The following VPS13C variants were observed in gnomAD, a reference collection of about 807,000 sequenced individuals.
The protein encoded by VPS13C is vacuolar protein sorting 13 homolog C.
Under a neutral mutation model 456.8 loss-of-function variants are expected in VPS13C, and 358 were observed. The observed-to-expected ratio is 0.78, with a 90% confidence interval of 0.72 to 0.86. The LOEUF (loss-of-function observed/expected upper bound fraction) is 0.86, where lower values mean the gene tolerates loss of function less well. VPS13C is among the 40% of genes least tolerant of loss of function. The pLI is 0.00. For synonymous variants in VPS13C, 1,578 were observed against 1,486.7 expected, an observed-to-expected ratio of 1.06 and a Z score of -1.41; for missense variants, 4,818 against 4,385.4, an observed-to-expected ratio of 1.10 and a Z score of -2.79.
intron 55 of VPS13C, 77 bp downstream of exon 55, chr15:61,921,870 A>T: frequency 6.8e-7 from 1 of 1,465,508 alleles, no homozygotes; most frequent in Non-Finnish European, 9.5e-7. Flanking sequence ...ACCACATCTT[A>T]AGAATCACTG....
chr15:62,033,559 A>C lies in VPS13C; in HGVS notation c.284-17T>G. The C allele has an allele frequency of 6.7e-7, 1 of 1,499,136 alleles. No homozygotes were observed. Among genetic ancestry groups the C allele is most frequent in the Non-Finnish European group, 9.1e-7 (1 of 1,101,490 alleles). The allele number at this position is 1,499,136 out of a possible 1,614,324, so 92.9% of individuals were successfully genotyped here. A position where few individuals can be genotyped will look rare whatever the true frequency, so the allele number is the denominator to read the frequency against. Reference sequence around the variant, plus strand: ...ACTTAATACCTAAAAATATACAGTCAATTCACACAAAAATAAATGGAATTA... The same window carrying C: ...ACTTAATACCTAAAAATATACAGTCCATTCACACAAAAATAAATGGAATTA... On this transcript the variant is annotated splice_polypyrimidine_tract_variant and intron_variant, in intron 4 of 84. Transcript: ENST00000644861.
Position 61,885,921 on chromosome 15 carries a change from T to C in VPS13C, c.9342-1652A>G, listed in dbSNP as rs934559297. 2.0e-5 allele frequency among the ~76,000 whole-genome samples: 3 copies of C among 152,152 alleles called. No individual in the cohort carries two copies. In the East Asian group the frequency reaches 5.8e-4, roughly 29 times the overall value. The stretch of plus-strand genomic sequence containing the variant: ...TTCTCAAATATATAACTGAGCAGTA[T>C]TGGTAACATCTGTTGACTCATCAAG... On this transcript the variant is annotated intron_variant, in intron 67 of 84. Coordinates refer to ENST00000644861, the MANE Select transcript of VPS13C (RefSeq NM_020821.3).
chr15:61,953,360 G>A (rs1397379625), intron 38 of VPS13C, among the ~76,000 whole-genome samples: 1 of 150,402 alleles, frequency 6.6e-6, no homozygotes, highest in East Asian at 2.0e-4. Flanking sequence ...TTTAGCATTA[G>A]GTATATCTCC....
Position 61,922,524 on chromosome 15 carries a change from A to G in VPS13C, c.6848T>C (p.Ile2283Thr). 6.2e-7 allele frequency: 1 copy of G among 1,614,124 alleles called. No individual in the cohort carries two copies. The highest frequency in any genetic ancestry group is 8.5e-7 in the Non-Finnish European group (1 of 1,179,966). ...EENCGVVVES[I>T]QVTLECGLGH... The stretch of plus-strand genomic sequence containing the variant: ...AAGGCCACATTCTAAGGTAACTTGA[A>G]TGGATTCTACAACAACACCACAATT... Residue 2283 changes from isoleucine to threonine, a missense_variant, in exon 54 of 85, where the codon ATT (isoleucine) becomes ACT (threonine). Physicochemically the swap from Ile to Thr is moderately conservative, Grantham distance 89. Coordinates refer to ENST00000644861, the MANE Select transcript of VPS13C (RefSeq NM_020821.3).
rs555662585 is a variant in VPS13C at position 61,995,574 on chromosome 15, G to A, written c.1354-3772C>T. Among the ~76,000 whole-genome samples the A allele has an allele frequency of 3.2e-4, 49 of 152,290 alleles. No homozygotes were observed. In the East Asian group the frequency reaches 6.4e-3, roughly 20 times the overall value. On this transcript the variant is annotated intron_variant, in intron 16 of 84. Coordinates refer to ENST00000644861, the MANE Select transcript of VPS13C (RefSeq NM_020821.3). ...TTTCTCTCTTCTTTTGAAGAAGAAAGCTGCCATGTTATGGTTGTCTATGTT... is the reference window on the plus strand; with the variant it reads ...TTTCTCTCTTCTTTTGAAGAAGAAAACTGCCATGTTATGGTTGTCTATGTT...
Position 61,922,029 on chromosome 15 carries a change from T to G in VPS13C, c.6980A>C (p.His2327Pro), listed in dbSNP as rs753288249. 6 of 1,613,356 alleles carry G rather than the reference T, an allele frequency of 3.7e-6. No individual in the cohort carries two copies. The Admixed American group carries it at 6.7e-5, about 18-fold the overall frequency. The stretch of plus-strand genomic sequence containing the variant: ...GACAGCATGGATCTCATTGTAATAG[T>G]GCACCTGGAAAGATACACACAAAAT... ...AAVADVTLQV[H>P]YYNEIHAVWE... Residue 2327 changes from histidine (H) to proline (P), a missense_variant, in exon 55 of 85, where the codon CAC (histidine) becomes CCC (proline). Physicochemically the swap from His to Pro is moderately conservative, Grantham distance 77. This residue lies in a region of VPS13C where 4,552 missense variants were observed against 4,130.6 expected (regional missense o/e 1.10). Coordinates refer to ENST00000644861, the MANE Select transcript of VPS13C (RefSeq NM_020821.3).
At chr15:61,978,077 G>A (rs1006124100) in intron 23 of VPS13C, among the ~76,000 whole-genome samples, 1 of 151,666 alleles carries the variant, frequency 6.6e-6, no homozygotes, top group Non-Finnish European at 1.5e-5. Flanking sequence ...AAATATTTAC[G>A]TAAGCATAGA....
At chr15:62,059,910 C>G (rs2140833274) in intron 1 of VPS13C, among the ~76,000 whole-genome samples, 1 of 152,322 alleles carries the variant, frequency 6.6e-6, no homozygotes, top group South Asian at 2.1e-4. Flanking sequence ...TCACTCCACG[C>G]GATACCGAAA....
At position 61,974,634 on chromosome 15, in the gene VPS13C, A is replaced by G. The variant is rs541271944; in HGVS notation, c.2409-217T>C. Among the ~76,000 whole-genome samples the G allele has an allele frequency of 3.9e-5, 6 of 152,256 alleles. No homozygotes were observed. In the East Asian group the frequency reaches 1.2e-3, roughly 29 times the overall value. ...TCAACATATCCCTCTTAAGTAGCCA[A>G]ATCTCTTTAACTTAACTAATTTTTA... On this transcript the variant is annotated intron_variant, in intron 24 of 84. Transcript: ENST00000644861.
At chr15:61,999,983 T>C (rs1203744568) in intron 16 of VPS13C, among the ~76,000 whole-genome samples, 3 of 151,956 alleles carry the variant, frequency 2.0e-5, no homozygotes, top group Non-Finnish European at 4.4e-5. Flanking sequence ...TAGCCAAAAT[T>C]ATCACAGTAG....
chr15:61,979,643 T>C (rs896376598), intron 22 of VPS13C, among the ~76,000 whole-genome samples: 20 of 152,214 alleles, frequency 1.3e-4, no homozygotes, highest in African/African-American at 4.6e-4. Flanking sequence ...CTTAATCTTG[T>C]TCATTCCCTA....
rs1210040376 is a variant in VPS13C, at chr15:61,878,708, T to C, written c.10041A>G (p.Glu3347=). 6.2e-7 allele frequency: 1 copy of C among 1,610,996 alleles called. No individual in the cohort carries two copies. The highest frequency in any genetic ancestry group is 1.7e-5 in the Admixed American group (1 of 59,618). ...ACATTTCCTGTTTTTCTTTGTCTGA[T>C]TCTTCACCTCCGGAACCCAAAGACA... ...LSLSLGSGGE[E]SDKEKQEMFA... Residue 3347 remains glutamate, a synonymous_variant, in exon 74 of 85, where the codon GAA becomes GAG. Transcript: ENST00000644861.
In VPS13C at chr15:62,013,071, T is replaced by A; in HGVS notation, c.793A>T (p.Met265Leu). 1 of 1,611,222 alleles carries A rather than the reference T, an allele frequency of 6.2e-7. No individual in the cohort carries two copies. Among genetic ancestry groups the A allele is most frequent in the Non-Finnish European group, 8.5e-7 (1 of 1,178,432 alleles). The change falls in exon 11 of 85, where the codon ATG becomes TTG. Residue 265 changes from methionine to leucine, a missense_variant. Physicochemically the swap from Met to Leu is conservative, Grantham distance 15. Coordinates refer to ENST00000644861, the MANE Select transcript of VPS13C (RefSeq NM_020821.3). ...LSAYWNVNCS[M>L]SYQRSREQIL... ...TGTTCCCTTGATCTCTGGTAAGACA[T>A]GCTGCAATTTACATTCCAGTAGGCG...
chr15:61,861,361 G>C (rs1219528925), intron 82 of VPS13C, among the ~76,000 whole-genome samples: 5 of 151,980 alleles, frequency 3.3e-5, no homozygotes, highest in Non-Finnish European at 7.4e-5. Context: ...AATTTTACTG[G>C]AACACAGCTA....
intron 3 of VPS13C, among the ~76,000 whole-genome samples, chr15:62,039,486 T>C (rs1176103105): frequency 1.3e-5 from 2 of 151,102 alleles, no homozygotes; most frequent in Admixed American, 6.6e-5. Flanking sequence ...AACCAGAATA[T>C]ATAAGGAACT....
chr15:61,994,250 G>A (rs539612555), intron 16 of VPS13C, among the ~76,000 whole-genome samples: 2 of 152,056 alleles, frequency 1.3e-5, no homozygotes, highest in Admixed American at 1.3e-4. Context: ...CCCAATATTA[G>A]TTCTCTTTCT....
At chr15:61,980,965 T>A (rs1169595547) in intron 22 of VPS13C, among the ~76,000 whole-genome samples, 1 of 152,232 alleles carries the variant, frequency 6.6e-6, no homozygotes, top group Non-Finnish European at 1.5e-5. Context: ...TCTACTTAGT[T>A]ACTGACAGTG....
intron 61 of VPS13C, among the ~76,000 whole-genome samples, chr15:61,914,117 G>T (rs912275110): frequency 6.6e-6 from 1 of 152,120 alleles, no homozygotes; most frequent in Non-Finnish European, 1.5e-5. Flanking sequence ...ACAACTAGAG[G>T]TCAGACACAT....
At chr15:61,882,480 TACAA>T (rs1467002263) in intron 69 of VPS13C, 112 bp downstream of exon 69, 314 of 1,062,584 alleles carry the variant, frequency 3.0e-4, no homozygotes, top group Non-Finnish European at 2.0e-4. Context: ...GGAAAAAACA[TACAA>T]ACAAAGAAAA....
Sources: gnomAD v4.1 joint callset for allele counts (sites outside exome capture counted in the v4.1 genomes callset) on GRCh38, gnomAD v4.1.1 for gene constraint, gnomAD v4.1.1 regional missense constraint, MANE v1.5 for transcripts, NCBI Gene and HGNC (gene_info 2026-07-23, HGNC 2026-07-21) for gene names.